CADM2: variants seen among roughly 807,000 people sequenced by gnomAD.
The protein encoded by CADM2 is immunoglobulin superfamily member 4D.
In CADM2, 12 loss-of-function variants were observed where a neutral mutation model predicts 49.8. The ratio of observed to expected loss-of-function variants is 0.24; its 90% CI spans 0.15 to 0.39. CADM2 has a LOEUF of 0.39. CADM2 is among the 10% of genes least tolerant of loss of function. The pLI is 1.00. For missense variants in CADM2, 378 were observed against 492.3 expected (o/e 0.77, Z 2.20); for synonymous variants, 214 against 175.4 (o/e 1.22, Z -1.74).
intron 2 of CADM2, among the ~76,000 whole-genome samples, chr3:85,742,209 AG>A (rs779240904): frequency 2.5e-4 from 38 of 152,328 alleles, no homozygotes; most frequent in South Asian, 1.7e-3. Flanking sequence ...GCACTGTGGC[AG>A]TCATCTAGTG....
chr3:85,426,024 A>G (rs1479681449), intron 1 of CADM2, among the ~76,000 whole-genome samples: 2 of 152,216 alleles, frequency 1.3e-5, no homozygotes, highest in Non-Finnish European at 2.9e-5. Context: ...GACACATTCC[A>G]GAAGACCTTA....
intron 1 of CADM2, among the ~76,000 whole-genome samples, chr3:85,532,179 AAAT>A (rs200547567): frequency 9.0e-5 from 10 of 111,058 alleles, no homozygotes; most frequent in African/African-American, 2.5e-4. Context: ...TCCGTCTCAA[AAAT>A]AATAATAATA....
chr3:85,113,148 G>A (rs1313812394), intron 1 of CADM2, among the ~76,000 whole-genome samples: 2 of 152,000 alleles, frequency 1.3e-5, no homozygotes, highest in Non-Finnish European at 2.9e-5. Flanking sequence ...ATAAAGCTAT[G>A]AGTTTGTTCA....
intron 1 of CADM2, among the ~76,000 whole-genome samples, chr3:85,573,581 A>G (rs1387311769): frequency 6.6e-6 from 1 of 152,200 alleles, no homozygotes; most frequent in East Asian, 1.9e-4. Flanking sequence ...GCACTGAATT[A>G]AAACCTCTTG....
intron 2 of CADM2, among the ~76,000 whole-genome samples, chr3:85,740,674 T>A (rs937022707): frequency 1.3e-5 from 2 of 152,300 alleles, no homozygotes; most frequent in East Asian, 3.9e-4. Flanking sequence ...ATGTAAGAAT[T>A]CACATTGATA....
At chr3:85,058,708 G>A (rs2036187604) in intron 1 of CADM2, among the ~76,000 whole-genome samples, 1 of 151,928 alleles carries the variant, frequency 6.6e-6, no homozygotes, top group Non-Finnish European at 1.5e-5. Context: ...GCCTCCCAAA[G>A]TGCTGGGATT....
At chr3:85,821,053 T>A (rs1272355889) in intron 3 of CADM2, among the ~76,000 whole-genome samples, 1 of 152,210 alleles carries the variant, frequency 6.6e-6, no homozygotes. Context: ...ACTTTCATTA[T>A]CATCCTTTGA....
chr3:84,961,177 A>G lies in CADM2; in HGVS notation c.61+1509A>G, dbSNP rs568280871. On this transcript the variant is annotated intron_variant, in intron 1 of 9. Transcript: ENST00000383699. ...CCCAGTCGGCCTTTGGAGGATTTAA[A>G]TGAGGTCAATGAACCATCTTTCAGC... Among the ~76,000 whole-genome samples, 138 of 152,270 alleles carry G rather than the reference A, an allele frequency of 9.1e-4. 1 individual carries two copies. Among genetic ancestry groups the G allele is most frequent in the African/African-American group, 3.2e-3 (134 of 41,572 alleles).
intron 1 of CADM2, among the ~76,000 whole-genome samples, chr3:85,504,822 CG>C (rs1208855185): frequency 6.6e-6 from 1 of 152,204 alleles, no homozygotes; most frequent in Admixed American, 6.5e-5. Flanking sequence ...CCCTGCCCCG[CG>C]GGAAGGCAGC....
chr3:85,140,511 C>T (rs923414399), intron 1 of CADM2, among the ~76,000 whole-genome samples: 1 of 152,156 alleles, frequency 6.6e-6, no homozygotes, highest in Admixed American at 6.5e-5. Flanking sequence ...TTCTCAAATA[C>T]CTTTTTAACT....
intron 1 of CADM2, among the ~76,000 whole-genome samples, chr3:85,547,705 T>C (rs4603966): frequency 0.51 from 77,950 of 152,074 alleles, 23,059 homozygotes; most frequent in East Asian, 0.85. Flanking sequence ...CAACCAACCA[T>C]GAAGTTGAAT....
chr3:85,873,143 A>G (rs1483332742), intron 3 of CADM2, among the ~76,000 whole-genome samples: 3 of 152,144 alleles, frequency 2.0e-5, no homozygotes, highest in Non-Finnish European at 2.9e-5. Context: ...AGCCCTCATG[A>G]CTTAATCACT....
At chr3:85,520,093 A>G (rs1301446297) in intron 1 of CADM2, among the ~76,000 whole-genome samples, 1 of 152,072 alleles carries the variant, frequency 6.6e-6, no homozygotes, top group East Asian at 1.9e-4. Context: ...TTAATTTCAT[A>G]TGCATAATAT....
At chr3:85,250,945 C>G (rs908155665) in intron 1 of CADM2, among the ~76,000 whole-genome samples, 24 of 151,690 alleles carry the variant, frequency 1.6e-4, no homozygotes, top group Admixed American at 1.6e-3. Context: ...TCTTATGTTG[C>G]TGTTTTCATT....
At chr3:85,690,528 A>G (rs1417902739) in intron 1 of CADM2, among the ~76,000 whole-genome samples, 1 of 152,174 alleles carries the variant, frequency 6.6e-6, no homozygotes, top group South Asian at 2.1e-4. Flanking sequence ...AGAGAAGGAC[A>G]TAAATGGAGG....
chr3:85,503,192 T>C (rs1459562693), intron 1 of CADM2, among the ~76,000 whole-genome samples: 4 of 152,200 alleles, frequency 2.6e-5, no homozygotes, highest in Non-Finnish European at 5.9e-5. Context: ...TAAAAATGTT[T>C]ACTGAGTAAA....
chr3:85,156,244 AAAAG>A (rs1449612594), intron 1 of CADM2, among the ~76,000 whole-genome samples: 1 of 152,042 alleles, frequency 6.6e-6, no homozygotes, highest in African/African-American at 2.4e-5. Flanking sequence ...AATAAAGAAA[AAAAG>A]AGAGAAGAAT....
At chr3:85,223,230 T>C (rs2042079302) in intron 1 of CADM2, among the ~76,000 whole-genome samples, 1 of 152,182 alleles carries the variant, frequency 6.6e-6, no homozygotes, top group Admixed American at 6.6e-5. Context: ...GAGAATACCT[T>C]CAGAGGTATG....
intron 2 of CADM2, among the ~76,000 whole-genome samples, chr3:85,796,374 A>G (rs1229548880): frequency 6.6e-6 from 1 of 152,164 alleles, no homozygotes. Context: ...CACAAGATTG[A>G]TAGTTCTCCA....
Sources: allele counts gnomAD v4.1 joint callset (sites outside exome capture counted in the v4.1 genomes callset), GRCh38; gene constraint gnomAD v4.1.1; transcripts MANE v1.5; gene names NCBI Gene and HGNC (gene_info 2026-07-23, HGNC 2026-07-21).